Variants in CBLC observed in about 807,000 individuals in gnomAD.
CBLC encodes Cbl proto-oncogene C.
A neutral mutation model predicts 58.6 loss-of-function variants in CBLC; 46 were observed. The ratio of observed to expected loss-of-function variants is 0.79; its 90% CI spans 0.62 to 1.00. The LOEUF (loss-of-function observed/expected upper bound fraction) is 1.00, where lower values mean the gene tolerates loss of function less well. Ranked by LOEUF, CBLC falls within the 50% of genes least tolerant of loss-of-function variation. The pLI is 0.00. For missense variants in CBLC, 655 were observed against 625.8 expected, an observed-to-expected ratio of 1.05 and a Z score of -0.50; for synonymous variants, 271 against 264.2, an observed-to-expected ratio of 1.03 and a Z score of -0.25.
chr19:44,778,811 C>G (rs1257396151), intron 1 of CBLC, among the ~76,000 whole-genome samples: 1 of 139,736 alleles, frequency 7.2e-6, no homozygotes, highest in Non-Finnish European at 1.6e-5. Context: ...GGGTCCAGGC[C>G]CCAGCCCCTC....
chr19:44,791,298 T>C (rs1455421775), intron 6 of CBLC, among the ~76,000 whole-genome samples: 1 of 141,610 alleles, frequency 7.1e-6, no homozygotes, highest in Non-Finnish European at 1.5e-5. Context: ...GGAGTGGGGC[T>C]CTGTCCCGCA....
intron 1 of CBLC, among the ~76,000 whole-genome samples, chr19:44,779,347 G>A (rs2122378120): frequency 6.6e-6 from 1 of 152,170 alleles, no homozygotes; most frequent in South Asian, 2.1e-4. Context: ...CACGGTTTCT[G>A]CCTGGACTAC....
intron 4 of CBLC, 96 bp from the exon 5 acceptor site, chr19:44,784,168 G>C (rs1328081137): frequency 1.9e-5 from 23 of 1,198,802 alleles, no homozygotes; most frequent in Non-Finnish European, 2.6e-5. Context: ...TGAGGACCTA[G>C]ACACCTGGAT....
rs140514738 is a variant in CBLC, at chr19:44,796,139, C to T, written c.1362+1858C>T. ...CTGTGGCAGGAGAATCGCTTGAACC[C>T]GGGAGGTGGAGGTTGCAGTGAGCCA... On this transcript the variant is annotated intron_variant, in intron 9 of 10. Coordinates refer to ENST00000647358, the MANE Select transcript of CBLC (RefSeq NM_012116.4). 3.3e-3 allele frequency among the ~76,000 whole-genome samples: 502 copies of T among 152,104 alleles called. 5 individuals carry two copies. The highest frequency in any genetic ancestry group is 0.012 in the African/African-American group (480 of 41,518).
intron 9 of CBLC, among the ~76,000 whole-genome samples, chr19:44,797,254 T>C (rs1189217099): frequency 6.6e-6 from 1 of 152,074 alleles, no homozygotes; most frequent in African/African-American, 2.4e-5. Flanking sequence ...ACTTTTGTTG[T>C]TGTTGTTGTT....
Position 44,781,485 on chromosome 19 carries a change from A to C in CBLC, c.657+122A>C. 4 of 918,280 alleles carry C rather than the reference A, an allele frequency of 4.4e-6. No homozygotes were observed. In the South Asian group the frequency reaches 7.3e-5, roughly 17 times the overall value. 56.9% of individuals were successfully genotyped at this position (918,280 alleles called of 1,614,324 possible). A position where few individuals can be genotyped will look rare whatever the true frequency, so the allele number is the denominator to read the frequency against. The stretch of plus-strand genomic sequence containing the variant: ...CCTGGACTCCTGGATCTGAGGGAGG[A>C]GGGGCCGGGGCCTGGACTCCTGGGT... On this transcript the variant is annotated intron_variant, in intron 3 of 10. Coordinates refer to ENST00000647358, the MANE Select transcript of CBLC (RefSeq NM_012116.4).
At chr19:44,778,841 T>TGGGTC (rs1967648943) in intron 1 of CBLC, among the ~76,000 whole-genome samples, 3 of 39,246 alleles carry the variant, frequency 7.6e-5, no homozygotes, top group Non-Finnish European at 1.3e-4. Context: ...ACCCAGAAAC[T>TGGGTC]CAGGCCCCCA....
At chr19:44,793,423 C>G in intron 7 of CBLC, 51 bp from the exon 8 acceptor site, 4 of 1,527,662 alleles carry the variant, frequency 2.6e-6, no homozygotes, top group Non-Finnish European at 3.5e-6. Flanking sequence ...GCCCAAGGGA[C>G]AGGATGGAGA....
intron 5 of CBLC, 135 bp from the exon 6 acceptor site, chr19:44,789,869 C>A: frequency 1.5e-6 from 1 of 681,630 alleles, no homozygotes; most frequent in East Asian, 2.6e-5. Flanking sequence ...AAAATAAGCC[C>A]AGGCCAGCAA....
intron 5 of CBLC, among the ~76,000 whole-genome samples, chr19:44,789,265 T>C (rs1366833340): frequency 6.6e-6 from 1 of 152,166 alleles, no homozygotes; most frequent in African/African-American, 2.4e-5. Context: ...GAAGAAGTGG[T>C]ACAGGTGCTC....
At chr19:44,795,666 G>A (rs750737491) in intron 9 of CBLC, among the ~76,000 whole-genome samples, 9 of 152,070 alleles carry the variant, frequency 5.9e-5, no homozygotes, top group Non-Finnish European at 1.3e-4. Context: ...AAATAGCACC[G>A]CTGTCCCTCG....
At chr19:44,795,776 C>G (rs1226358123) in intron 9 of CBLC, among the ~76,000 whole-genome samples, 1 of 152,202 alleles carries the variant, frequency 6.6e-6, no homozygotes, top group African/African-American at 2.4e-5. Context: ...AACCTTCCTG[C>G]AGGTCAGGCC....
intron 9 of CBLC, among the ~76,000 whole-genome samples, chr19:44,797,539 C>T (rs139391423): frequency 5.5e-4 from 83 of 150,610 alleles, no homozygotes; most frequent in East Asian, 5.2e-3. Flanking sequence ...GAGTGGGCCC[C>T]GCCTGTCATA....
chr19:44,792,854 G>A (rs1361622185), intron 7 of CBLC, among the ~76,000 whole-genome samples: 1 of 152,100 alleles, frequency 6.6e-6, no homozygotes, highest in East Asian at 1.9e-4. Flanking sequence ...ACCTCCCAAA[G>A]GCCACAGTGA....
intron 7 of CBLC, among the ~76,000 whole-genome samples, chr19:44,792,774 A>C (rs1359228446): frequency 6.6e-6 from 1 of 152,048 alleles, no homozygotes; most frequent in African/African-American, 2.4e-5. Context: ...TGCCTAGGTG[A>C]TCCCCAGCCA....
chr19:44,788,324 C>T (rs1454075483), intron 5 of CBLC, among the ~76,000 whole-genome samples: 2 of 151,274 alleles, frequency 1.3e-5, no homozygotes, highest in African/African-American at 4.9e-5. Flanking sequence ...TAGTGTCTTT[C>T]TGTGTTGCCC....
At chr19:44,795,376 A>G (rs1968157746) in intron 9 of CBLC, among the ~76,000 whole-genome samples, 8 of 151,914 alleles carry the variant, frequency 5.3e-5, no homozygotes, top group Admixed American at 5.2e-4. Flanking sequence ...AATTAGCCCA[A>G]AGTGGTGGCG....
At chr19:44,788,715 C>G (rs1967973731) in intron 5 of CBLC, among the ~76,000 whole-genome samples, 1 of 152,138 alleles carries the variant, frequency 6.6e-6, no homozygotes, top group African/African-American at 2.4e-5. Context: ...GTTGGCCAGG[C>G]TGGTCTCAAA....
chr19:44,779,971 A>G (rs1249722190), intron 1 of CBLC, among the ~76,000 whole-genome samples: 2 of 152,084 alleles, frequency 1.3e-5, no homozygotes, highest in South Asian at 2.1e-4. Flanking sequence ...AATTTTTTTC[A>G]TAAATATTAT....
Sources: gnomAD v4.1 joint callset for allele counts (sites outside exome capture counted in the v4.1 genomes callset) on GRCh38, gnomAD v4.1.1 for gene constraint, MANE v1.5 for transcripts, NCBI Gene and HGNC (gene_info 2026-07-23, HGNC 2026-07-21) for gene names.